Variants in ERI1 observed in about 807,000 individuals in gnomAD.
The protein encoded by ERI1 is exoribonuclease 1.
A neutral mutation model predicts 39.7 loss-of-function variants in ERI1; 39 were observed. That is an observed-to-expected ratio of 0.98 (90% CI 0.76 to 1.28). The LOEUF is 1.28. ERI1 is among the 50% of genes most tolerant of loss of function. ERI1 has a pLI of 0.00. For missense variants in ERI1, 581 were observed against 416.9 expected (o/e 1.39, Z -3.43); for synonymous variants, 204 against 149.6 (o/e 1.36, Z -2.65).
chr8:9,024,428 TCTTTTCTTTC>T (rs1443013903), intron 6 of ERI1, among the ~76,000 whole-genome samples: 1 of 151,742 alleles, frequency 6.6e-6, no homozygotes, highest in African/African-American at 2.4e-5. Context: ...TCTTTTCTTT[TCTTTTCTTTC>T]AAGACGGAAT....
chr8:9,098,342 A>G (rs1365127990), intron 3 of ERI1, among the ~76,000 whole-genome samples: 1 of 152,250 alleles, frequency 6.6e-6, no homozygotes, highest in Non-Finnish European at 1.5e-5. Flanking sequence ...CAACATGGTG[A>G]AACCCCATCT....
chr8:9,032,349 T>A lies in ERI1; in HGVS notation c.*2315T>A, dbSNP rs906718377. On this transcript the variant is annotated 3_prime_UTR_variant, in exon 7 of 7. Coordinates refer to ENST00000250263, the MANE Select transcript of ERI1 (RefSeq NM_153332.4). ...AACTTTTATTCTATGCTTCATATGC[T>A]CTGACATTGACATAGTGGATTTCTG... 1 of 152,248 alleles carries A rather than the reference T, an allele frequency of 6.6e-6. No homozygotes were observed. The highest frequency in any genetic ancestry group is 2.4e-5 in the African/African-American group (1 of 41,466). 9.4% of individuals were successfully genotyped at this position (152,248 alleles called of 1,614,324 possible). A position where few individuals can be genotyped will look rare whatever the true frequency, so the allele number is the denominator to read the frequency against.
chr8:9,098,475 G>T lies in ERI1; in HGVS notation n.300-17873G>T, dbSNP rs539216251. ...AGAGGTTGCAGTGAGCCGAAATGGC[G>T]CCTTTGCACTCCAGCCTGGGTGACA... On this transcript the variant is annotated intron_variant and non_coding_transcript_variant, in intron 3 of 3. Coordinates refer to the ERI1 transcript ENST00000518663. Among the ~76,000 whole-genome samples, 90 of 152,266 alleles carry T rather than the reference G, an allele frequency of 5.9e-4. 4 individuals are homozygous for T. The South Asian group carries it at 0.018, about 30-fold the overall frequency.
chr8:9,090,606 A>G (rs1799673644), intron 3 of ERI1, among the ~76,000 whole-genome samples: 2 of 152,240 alleles, frequency 1.3e-5, no homozygotes, highest in African/African-American at 2.4e-5. Flanking sequence ...CACACGGTTA[A>G]AAGTTTAAAT....
At chr8:9,024,270 C>G (rs146353380) in intron 6 of ERI1, among the ~76,000 whole-genome samples, 56 of 152,292 alleles carry the variant, frequency 3.7e-4, no homozygotes, top group African/African-American at 1.3e-3. Context: ...AATAAAAATA[C>G]AGTTTAAGAC....
At chr8:9,033,552 C>T (rs1352549573), downstream of ERI1, among the ~76,000 whole-genome samples, 7 of 125,590 alleles carry the variant, frequency 5.6e-5, no homozygotes, top group African/African-American at 1.8e-4. Context: ...GTGATGAGAG[C>T]GTAGAGCTGA....
Position 9,016,334 on chromosome 8 carries a change from C to T in ERI1, c.511C>T (p.Gln171Ter). 1 of 1,602,376 alleles carries T rather than the reference C, an allele frequency of 6.2e-7. No homozygotes were observed. The highest frequency in any genetic ancestry group is 8.5e-7 in the Non-Finnish European group (1 of 1,174,110). ...CCTTCCCTTGCAGGAAGACACGTTT[C>T]AGCAGTATGTAAGACCAGAGATTAA... ...THTLEIEDTF[Q>*]QYVRPEINTQ... Residue 171 changes from glutamine to a stop codon, truncating the protein, a stop_gained, in exon 4 of 7, where the codon CAG becomes TAG. Transcript: ENST00000250263. LOFTEE classifies it high-confidence loss of function.
At chr8:9,059,664 A>G (rs930802618) in intron 3 of ERI1, among the ~76,000 whole-genome samples, 3 of 152,210 alleles carry the variant, frequency 2.0e-5, no homozygotes, top group Non-Finnish European at 4.4e-5. Flanking sequence ...ATCTACCTAG[A>G]GAGTGCCTAA....
intron 2 of ERI1, among the ~76,000 whole-genome samples, chr8:9,010,490 T>C (rs1270637878): frequency 6.6e-6 from 1 of 152,222 alleles, no homozygotes. Flanking sequence ...AGCTAACTGG[T>C]TGATTATTAC....
intron 3 of ERI1, among the ~76,000 whole-genome samples, chr8:9,041,856 T>C (rs890680240): frequency 5.9e-5 from 9 of 152,170 alleles, no homozygotes; most frequent in Non-Finnish European, 1.5e-5. Flanking sequence ...TGCCTCAGCC[T>C]CTCGAGTAGC....
At chr8:9,027,554 A>G (rs1013111841) in intron 6 of ERI1, among the ~76,000 whole-genome samples, 4 of 152,204 alleles carry the variant, frequency 2.6e-5, no homozygotes, top group African/African-American at 9.6e-5. Context: ...TCATTGTCCA[A>G]TCCATTGTCA....
intron 3 of ERI1, among the ~76,000 whole-genome samples, chr8:9,039,506 A>G (rs926963004): frequency 6.6e-6 from 1 of 152,198 alleles, no homozygotes; most frequent in Non-Finnish European, 1.5e-5. Flanking sequence ...TGATTAGTGA[A>G]AACAGTCAAG....
chr8:9,063,593 C>A (rs906849682), intron 3 of ERI1, among the ~76,000 whole-genome samples: 2 of 150,232 alleles, frequency 1.3e-5, no homozygotes, highest in Non-Finnish European at 1.5e-5. Flanking sequence ...GGGGTTGGGA[C>A]TGAGGGGACA....
chr8:9,039,029 A>T (rs530808424), intron 3 of ERI1, among the ~76,000 whole-genome samples: 15 of 152,364 alleles, frequency 9.8e-5, no homozygotes, highest in African/African-American at 2.9e-4. Flanking sequence ...TGTTGAAAAC[A>T]GAATTTTTGA....
intron 3 of ERI1, among the ~76,000 whole-genome samples, chr8:9,014,342 C>G (rs936436510): frequency 1.3e-5 from 2 of 152,126 alleles, no homozygotes; most frequent in Non-Finnish European, 2.9e-5. Flanking sequence ...TTCCTTAAAT[C>G]TTACCTCTAA....
chr8:9,045,235 CAAA>C (rs5889258), intron 3 of ERI1, among the ~76,000 whole-genome samples: 5 of 75,646 alleles, frequency 6.6e-5, no homozygotes, highest in Admixed American at 1.5e-4. Context: ...GACTCTGTCT[CAAA>C]AAAAAAAAAA....
rs769732423 is a variant in ERI1 at position 9,030,255 on chromosome 8, A to G, written c.*221A>G. 2.8e-4 allele frequency: 157 copies of G among 554,670 alleles called. No homozygotes were observed. The highest frequency in any genetic ancestry group is 4.0e-4 in the Non-Finnish European group (128 of 318,132). 34.4% of individuals were successfully genotyped at this position (554,670 alleles called of 1,614,324 possible). On this transcript the variant is annotated 3_prime_UTR_variant, in exon 7 of 7. Coordinates refer to ENST00000250263, the MANE Select transcript of ERI1 (RefSeq NM_153332.4). Reference sequence around the variant, plus strand: ...TTTTGATATGAACAGTATTCGTTACATAGTAACAGTTCCTGCTTACAACTG... The same window carrying G: ...TTTTGATATGAACAGTATTCGTTACGTAGTAACAGTTCCTGCTTACAACTG...
intron 6 of ERI1, 50 bp downstream of exon 6, chr8:9,020,514 T>C: frequency 8.2e-7 from 1 of 1,214,404 alleles, no homozygotes; most frequent in Non-Finnish European, 1.2e-6. Context: ...ATAAATTTGT[T>C]AAAATTTGCA....
chr8:9,042,396 T>C (rs1008103887), intron 3 of ERI1, among the ~76,000 whole-genome samples: 7 of 152,274 alleles, frequency 4.6e-5, no homozygotes, highest in African/African-American at 1.7e-4. Context: ...GTCACCAGCG[T>C]TTTAAATTTT....
Sources: gnomAD v4.1 joint callset for allele counts (sites outside exome capture counted in the v4.1 genomes callset) on GRCh38, gnomAD v4.1.1 for gene constraint, MANE v1.5 for transcripts, NCBI Gene and HGNC (gene_info 2026-07-23, HGNC 2026-07-21) for gene names.